Variants in TRPC7 observed in about 807,000 individuals in gnomAD.
TRPC7 encodes the protein transient receptor potential cation channel subfamily C member 7.
In TRPC7, 42 loss-of-function variants were observed where a neutral mutation model predicts 90.1. The ratio of observed to expected loss-of-function variants is 0.47; its 90% confidence interval spans 0.36 to 0.60. The LOEUF is 0.60. Among genes scored for constraint, TRPC7 ranks in the 20% least tolerant of loss-of-function variants. The probability of loss-of-function intolerance (pLI) is 0.00; values close to 1 mark genes in which losing one functional copy is unlikely to be tolerated. For missense variants in TRPC7, 955 were observed against 1,112.3 expected (o/e 0.86, Z 2.01); for synonymous variants, 451 against 436.3 (o/e 1.03, Z -0.42).
At chr5:136,229,345 C>T (rs569056626) in intron 8 of TRPC7, among the ~76,000 whole-genome samples, 8 of 152,144 alleles carry the variant, frequency 5.3e-5, no homozygotes, top group Admixed American at 5.2e-4. Context: ...CTGCTTCACC[C>T]CTCCCTGCCT....
intron 2 of TRPC7, among the ~76,000 whole-genome samples, chr5:136,343,664 TG>T (rs1326366304): frequency 6.6e-6 from 1 of 152,216 alleles, no homozygotes; most frequent in African/African-American, 2.4e-5. Flanking sequence ...ATCCATGTCA[TG>T]TAAAACTTTG....
chr5:136,268,820 T>C (rs1178253171), intron 4 of TRPC7, among the ~76,000 whole-genome samples: 6 of 152,228 alleles, frequency 3.9e-5, no homozygotes, highest in African/African-American at 1.2e-4. Context: ...GGAATTGATA[T>C]TCTTTTCCTA....
chr5:136,295,141 G>A (rs1268448110), intron 3 of TRPC7, among the ~76,000 whole-genome samples: 1 of 152,024 alleles, frequency 6.6e-6, no homozygotes, highest in African/African-American at 2.4e-5. Context: ...CCTGTTGTGG[G>A]GTGGGGGGAG....
rs144361944 is a variant in TRPC7 at position 136,310,851 on chromosome 5, G to A, written c.963+4746C>T. Among the ~76,000 whole-genome samples, 324 of 152,026 alleles carry A rather than the reference G, an allele frequency of 2.1e-3. 6 individuals are homozygous for A. The highest frequency in any genetic ancestry group is 7.5e-3 in the African/African-American group (313 of 41,466). On this transcript the variant is annotated intron_variant, in intron 3 of 11. Coordinates refer to ENST00000513104, the MANE Select transcript of TRPC7 (RefSeq NM_020389.3). ...GTATGACTGTGTTTTATTCTGCTTG[G>A]GTCCTTGGAAGGCCGAGCTCAGTGT...
chr5:136,343,287 G>C (rs1167454711), intron 2 of TRPC7, among the ~76,000 whole-genome samples: 1 of 152,176 alleles, frequency 6.6e-6, no homozygotes, highest in South Asian at 2.1e-4. Context: ...TATAACTGAT[G>C]TTGGGGCCCA....
At chr5:136,321,299 A>G (rs1759188947) in intron 2 of TRPC7, among the ~76,000 whole-genome samples, 1 of 152,184 alleles carries the variant, frequency 6.6e-6, no homozygotes, top group South Asian at 2.1e-4. Context: ...GGATAAGGAT[A>G]TATGAATCCC....
Position 136,361,323 on chromosome 5 carries a change from A to G in TRPC7, c.2+3930T>C, listed in dbSNP as rs533335130. Among the ~76,000 whole-genome samples, 5 of 152,338 alleles carry G rather than the reference A, an allele frequency of 3.3e-5. No individual in the cohort carries two copies. The South Asian group carries it at 6.2e-4, about 19-fold the overall frequency. On this transcript the variant is annotated intron_variant, in intron 1 of 11. Transcript: ENST00000513104. Reference sequence around the variant, plus strand: ...TGTTTTACATTTTCCAGAAATGCATACAATTAACATTTGATGTCATTTGGA... The same window carrying G: ...TGTTTTACATTTTCCAGAAATGCATGCAATTAACATTTGATGTCATTTGGA...
chr5:136,278,622 G>A (rs2149817003), intron 3 of TRPC7, among the ~76,000 whole-genome samples: 1 of 152,292 alleles, frequency 6.6e-6, no homozygotes, highest in Admixed American at 6.5e-5. Flanking sequence ...TAAAGAGATG[G>A]ACCAGGAAAA....
rs562182489 is a variant in TRPC7, at chr5:136,257,189, T to C, written c.1346-5307A>G. Among the ~76,000 whole-genome samples, 202 of 151,364 alleles carry C rather than the reference T, an allele frequency of 1.3e-3. 1 individual carries two copies. The highest frequency in any genetic ancestry group is 4.6e-3 in the African/African-American group (192 of 41,422). ...GGATTTAAAATGTTTTTCTTTCTTT[T>C]TTTTTTTTTTTGCGATGGAGTCTCA... On this transcript the variant is annotated intron_variant, in intron 5 of 11. Coordinates refer to ENST00000513104, the MANE Select transcript of TRPC7 (RefSeq NM_020389.3).
At chr5:136,343,374 C>A (rs547835196) in intron 2 of TRPC7, among the ~76,000 whole-genome samples, 1 of 152,078 alleles carries the variant, frequency 6.6e-6, no homozygotes, top group East Asian at 1.9e-4. Flanking sequence ...TCTGACCTTC[C>A]CCAGCCTTTG....
chr5:136,251,236 T>C (rs1756507339), intron 6 of TRPC7, among the ~76,000 whole-genome samples: 1 of 152,220 alleles, frequency 6.6e-6, no homozygotes, highest in South Asian at 2.1e-4. Flanking sequence ...GCAGGATTTA[T>C]TTTTGCACAA....
intron 1 of TRPC7, among the ~76,000 whole-genome samples, chr5:136,361,066 G>C (rs1191859196): frequency 6.6e-6 from 1 of 152,098 alleles, no homozygotes; most frequent in African/African-American, 2.4e-5. Flanking sequence ...CTCAATAGTT[G>C]GTGGCCAAAG....
rs75204588 is a variant in TRPC7 at position 136,247,890 on chromosome 5, T to G, written c.1580-155A>C. 0.011 allele frequency among the ~76,000 whole-genome samples: 1,639 copies of G among 152,304 alleles called. 22 individuals carry two copies. The highest frequency in any genetic ancestry group is 0.038 in the African/African-American group (1,559 of 41,560). On this transcript the variant is annotated intron_variant, in intron 6 of 11. Coordinates refer to ENST00000513104, the MANE Select transcript of TRPC7 (RefSeq NM_020389.3). The surrounding 1 kb of genome is among the most constrained non-coding windows in gnomAD (Gnocchi z 4.2). ...AATATCCAGAAGTTGCCACCCTCCC[T>G]CTTGGAATGTGCTGGACCATCTGCC... is the stretch of plus-strand genomic sequence containing the variant.
Position 136,213,424 on chromosome 5 carries a change from G to T in TRPC7, c.*11C>A. The T allele has an allele frequency of 6.2e-7, 1 of 1,613,230 alleles. No homozygotes were observed. Among genetic ancestry groups the T allele is most frequent in the Admixed American group, 1.7e-5 (1 of 59,936 alleles). On this transcript the variant is annotated 3_prime_UTR_variant, in exon 12 of 12. Transcript: ENST00000513104. Reference sequence around the variant, plus strand: ...AATGCTGGTAGAAGTCACAGACGCCGATGTGGGCTGCTAAATGTCTTTGCC... The same window carrying T: ...AATGCTGGTAGAAGTCACAGACGCCTATGTGGGCTGCTAAATGTCTTTGCC...
In TRPC7 at chr5:136,321,672, G is replaced by A. The variant is rs192536911; in HGVS notation, c.781-5893C>T. Among the ~76,000 whole-genome samples the A allele has an allele frequency of 1.1e-4, 17 of 152,192 alleles. No individual in the cohort carries two copies. The East Asian group carries it at 1.7e-3, about 16-fold the overall frequency. On this transcript the variant is annotated intron_variant, in intron 2 of 11. Coordinates refer to ENST00000513104, the MANE Select transcript of TRPC7 (RefSeq NM_020389.3). ...TTGCCATTTGTGGTTTATAATTACC[G>A]GAGTGGGAGTAAGACTGGCTCATGG...
chr5:136,327,726 C>T (rs141590922), intron 2 of TRPC7, among the ~76,000 whole-genome samples: 61 of 152,270 alleles, frequency 4.0e-4, no homozygotes, highest in African/African-American at 1.3e-3. Context: ...GAGGATTCAA[C>T]GCGGTAAAGT....
chr5:136,285,151 C>T (rs770541968), intron 3 of TRPC7, among the ~76,000 whole-genome samples: 1 of 152,086 alleles, frequency 6.6e-6, no homozygotes, highest in African/African-American at 2.4e-5. Flanking sequence ...AGTAATGGGT[C>T]TTGTGAGTCG....
intron 3 of TRPC7, among the ~76,000 whole-genome samples, chr5:136,292,164 G>A (rs1189288610): frequency 2.0e-5 from 3 of 152,178 alleles, no homozygotes; most frequent in African/African-American, 7.2e-5. Flanking sequence ...GAAATTTATA[G>A]CACTAAATGC....
chr5:136,237,413 C>A (rs1037785094), intron 7 of TRPC7, among the ~76,000 whole-genome samples: 7 of 152,214 alleles, frequency 4.6e-5, no homozygotes, highest in African/African-American at 1.7e-4. Flanking sequence ...AAACTGCAAA[C>A]CTCATCAGAA....
Sources: allele counts gnomAD v4.1 joint callset (sites outside exome capture counted in the v4.1 genomes callset), GRCh38; gene constraint gnomAD v4.1.1; non-coding constraint Gnocchi (gnomAD v3.1); transcripts MANE v1.5; gene names NCBI Gene and HGNC (gene_info 2026-07-23, HGNC 2026-07-21).